Variants in EIF3H observed in about 807,000 individuals in gnomAD.
EIF3H encodes the protein eukaryotic translation initiation factor 3 subunit H.
A neutral mutation model predicts 44.2 loss-of-function variants in EIF3H; 26 were observed. The observed-to-expected ratio is 0.59, with a 90% CI of 0.43 to 0.82. EIF3H has a LOEUF of 0.82. EIF3H is among the 40% of genes least tolerant of loss of function. EIF3H has a pLI of 0.00. For missense variants in EIF3H, 359 were observed against 432.8 expected (o/e 0.83, Z 1.51); for synonymous variants, 166 against 151.9 (o/e 1.09, Z -0.68).
chr8:116,750,102 C>A (rs1334102115), intron 1 of EIF3H, among the ~76,000 whole-genome samples: 1 of 152,284 alleles, frequency 6.6e-6, no homozygotes, highest in South Asian at 2.1e-4. Context: ...TATATAATAT[C>A]TTATATAGGT....
chr8:116,740,051 TATA>T (rs1237716055), intron 1 of EIF3H, among the ~76,000 whole-genome samples: 1 of 152,192 alleles, frequency 6.6e-6, no homozygotes, highest in African/African-American at 2.4e-5. Context: ...GTCAAACTAC[TATA>T]ATAAAAGTTT....
intron 2 of EIF3H, among the ~76,000 whole-genome samples, chr8:116,694,313 T>A (rs540600101): frequency 1.6e-4 from 25 of 152,302 alleles, no homozygotes; most frequent in Admixed American, 2.6e-4. Flanking sequence ...TGAAATGTCA[T>A]GTTTTGTTAT....
At chr8:116,694,953 A>G (rs2130868351) in intron 2 of EIF3H, among the ~76,000 whole-genome samples, 1 of 152,290 alleles carries the variant, frequency 6.6e-6, no homozygotes, top group Admixed American at 6.5e-5. Context: ...ATGTATCTCC[A>G]TACTTCCTCT....
At chr8:116,681,527 G>A (rs767710579) in intron 2 of EIF3H, among the ~76,000 whole-genome samples, 4 of 151,698 alleles carry the variant, frequency 2.6e-5, no homozygotes, top group African/African-American at 4.8e-5. Context: ...TTAGCTGGGC[G>A]TGGTGGCACA....
At chr8:116,651,909 G>C (rs997428634) in intron 5 of EIF3H, among the ~76,000 whole-genome samples, 1 of 152,178 alleles carries the variant, frequency 6.6e-6, no homozygotes, top group African/African-American at 2.4e-5. Context: ...AGTAATATGA[G>C]CATCTAATTT....
At chr8:116,761,521 AATACATAC>A (rs929528045) in intron 1 of EIF3H, among the ~76,000 whole-genome samples, 2 of 150,886 alleles carry the variant, frequency 1.3e-5, no homozygotes, top group East Asian at 1.9e-4. Flanking sequence ...CAAAAAAATA[AATACATAC>A]ATACATACAT....
Position 116,713,898 on chromosome 8 carries a change from T to A in EIF3H, c.289+12118A>T, listed in dbSNP as rs553908030. Among the ~76,000 whole-genome samples, 40 of 152,250 alleles carry A rather than the reference T, an allele frequency of 2.6e-4. No individual in the cohort carries two copies. The South Asian group carries it at 7.9e-3, about 30-fold the overall frequency. The stretch of plus-strand genomic sequence containing the variant: ...AGTGTACAGATTCTCTCTAGTTACC[T>A]GCATACATAATGCTTCTAAAACCAA... On this transcript the variant is annotated intron_variant, in intron 2 of 7. Coordinates refer to ENST00000521861, the MANE Select transcript of EIF3H (RefSeq NM_003756.3).
intron 1 of EIF3H, among the ~76,000 whole-genome samples, chr8:116,728,568 A>G (rs975101716): frequency 6.6e-6 from 1 of 152,186 alleles, no homozygotes; most frequent in African/African-American, 2.4e-5. Context: ...AGTAAGATAC[A>G]GAACTCCAAA....
intron 5 of EIF3H, 143 bp from the exon 6 acceptor site, chr8:116,649,069 G>T: frequency 1.6e-6 from 1 of 613,062 alleles, no homozygotes. Flanking sequence ...AAGAGCAGAG[G>T]AAAAAATCTG....
In EIF3H at chr8:116,644,970, G is replaced by A. The variant is rs766468007; in HGVS notation, c.*36C>T. ...GAGTTGCCCTGGTGTGACTTCAAGA[G>A]TTCATGTTAACTTCTTTTCTGGAAA... On this transcript the variant is annotated 3_prime_UTR_variant, in exon 8 of 8. Transcript: ENST00000521861. 7.7e-5 allele frequency: 118 copies of A among 1,523,318 alleles called. No individual in the cohort carries two copies. The highest frequency in any genetic ancestry group is 1.1e-4 in the Non-Finnish European group (117 of 1,099,306). The allele number at this position is 1,523,318 out of a possible 1,614,324, so 94.4% of individuals were successfully genotyped here.
At chr8:116,691,013 T>C (rs868466975) in intron 2 of EIF3H, among the ~76,000 whole-genome samples, 11 of 152,220 alleles carry the variant, frequency 7.2e-5, no homozygotes, top group Admixed American at 1.3e-4. Flanking sequence ...TCAACCCTAA[T>C]GCTTACTGTT....
chr8:116,691,260 T>C (rs762102984), intron 2 of EIF3H, among the ~76,000 whole-genome samples: 21 of 152,190 alleles, frequency 1.4e-4, no homozygotes, highest in Non-Finnish European at 2.5e-4. Flanking sequence ...GAAAGAAATG[T>C]TGCCAGCAGT....
At chr8:116,705,578 G>T (rs895254840) in intron 2 of EIF3H, among the ~76,000 whole-genome samples, 1 of 150,146 alleles carries the variant, frequency 6.7e-6, no homozygotes, top group Admixed American at 6.7e-5. Flanking sequence ...TGTAACTCCA[G>T]TTTAATCATG....
At chr8:116,743,496 T>C (rs55951040) in intron 1 of EIF3H, among the ~76,000 whole-genome samples, 129,407 of 151,562 alleles carry the variant, frequency 0.85, 55,358 homozygotes, top group Middle Eastern at 0.89. Context: ...ATAATCCCAG[T>C]ACTTTGGGAG....
chr8:116,729,819 G>C (rs1317818584), intron 1 of EIF3H, among the ~76,000 whole-genome samples: 1 of 152,184 alleles, frequency 6.6e-6, no homozygotes, highest in Non-Finnish European at 1.5e-5. Context: ...TTCTTTGGCT[G>C]CTTAGAGGAT....
chr8:116,689,170 C>A, intron 2 of EIF3H: 1 of 424,692 alleles, frequency 2.4e-6, no homozygotes, highest in Admixed American at 2.6e-5. Flanking sequence ...TGAAATAAGT[C>A]AGAGACAAAA....
Position 116,696,985 on chromosome 8 carries a change from A to G in EIF3H, c.289+29031T>C, listed in dbSNP as rs573200625. ...AAAAGCTAGGACACCAACCCTCTCC[A>G]TATTACATGTTAATACAATTAGGGC... On this transcript the variant is annotated intron_variant, in intron 2 of 7. Coordinates refer to ENST00000521861, the MANE Select transcript of EIF3H (RefSeq NM_003756.3). 1.4e-4 allele frequency: 59 copies of G among 411,530 alleles called. 2 individuals are homozygous for G. Among genetic ancestry groups the G allele is most frequent in the Middle Eastern group, 1.0e-3 (2 of 1,996 alleles). The allele number at this position is 411,530 out of a possible 1,614,324, so 25.5% of individuals were successfully genotyped here.
At chr8:116,682,726 G>A (rs1402111799) in intron 2 of EIF3H, among the ~76,000 whole-genome samples, 1 of 152,180 alleles carries the variant, frequency 6.6e-6, no homozygotes, top group Non-Finnish European at 1.5e-5. Context: ...TACTTAAGCT[G>A]AGAATGTTTG....
chr8:116,743,403 A>C (rs1815162364), intron 1 of EIF3H, among the ~76,000 whole-genome samples: 1 of 152,104 alleles, frequency 6.6e-6, no homozygotes, highest in Non-Finnish European at 1.5e-5. Context: ...GTGAGCCATG[A>C]CTGCACCACT....
Sources: gnomAD v4.1 joint callset for allele counts (sites outside exome capture counted in the v4.1 genomes callset) on GRCh38, gnomAD v4.1.1 for gene constraint, MANE v1.5 for transcripts, NCBI Gene and HGNC (gene_info 2026-07-23, HGNC 2026-07-21) for gene names.